PLOD1: variants seen among roughly 807,000 people sequenced by gnomAD.
PLOD1 encodes the protein procollagen-lysine,2-oxoglutarate 5-dioxygenase 1.
PLOD1 carries 70 observed loss-of-function variants against 94.7 expected under a neutral mutation model. The observed-to-expected ratio is 0.74, with a 90% confidence interval of 0.61 to 0.90. The LOEUF (loss-of-function observed/expected upper bound fraction) is 0.90, where lower values mean the gene tolerates loss of function less well. Ranked by LOEUF, PLOD1 falls within the 40% of genes least tolerant of loss-of-function variation. The pLI, the probability that PLOD1 is intolerant of heterozygous loss-of-function variation, is 0.00. For synonymous variants in PLOD1, 417 were observed against 400.2 expected (o/e 1.04, Z -0.50); for missense variants, 905 against 972.7 (o/e 0.93, Z 0.93).
At chr1:11,973,771 G>T (rs1645883191) in intron 18 of PLOD1, among the ~76,000 whole-genome samples, 1 of 151,790 alleles carries the variant, frequency 6.6e-6, no homozygotes, top group South Asian at 2.1e-4. Flanking sequence ...TTTTAGAGAT[G>T]GGGTTTCACT....
In PLOD1 at chr1:11,953,180, C is replaced by T. The variant is rs570638468; in HGVS notation, c.579+445C>T. Among the ~76,000 whole-genome samples, 259 of 152,166 alleles carry T rather than the reference C, an allele frequency of 1.7e-3. 2 individuals carry two copies. The highest frequency in any genetic ancestry group is 6.0e-3 in the African/African-American group (248 of 41,540). ...AAGCGATTCTCGAGCCTCAGCGTCT[C>T]GAGTAGCGGGGACTACAGGCGTGCA... On this transcript the variant is annotated intron_variant, in intron 5 of 18. Coordinates refer to ENST00000196061, the MANE Select transcript of PLOD1 (RefSeq NM_000302.4).
chr1:11,965,667 C>T, intron 14 of PLOD1, 74 bp downstream of exon 14: 1 of 920,388 alleles, frequency 1.1e-6, no homozygotes, highest in South Asian at 1.4e-5. Context: ...GGACTTCCCT[C>T]TCAGAGTCTT....
chr1:11,957,072 C>A lies in PLOD1; in HGVS notation c.741+58C>A. On this transcript the variant is annotated intron_variant, in intron 7 of 18. Transcript: ENST00000196061. The surrounding 1 kb of genome is among the most constrained non-coding windows in gnomAD (Gnocchi z 4.1). ...AGGGGGCCAGAGCCCTAATTTCATTCTCACTGTGACCCCACAGTGTCTCCC... is the reference window on the plus strand; with the variant it reads ...AGGGGGCCAGAGCCCTAATTTCATTATCACTGTGACCCCACAGTGTCTCCC... 1.8e-6 allele frequency: 2 copies of A among 1,123,062 alleles called. No homozygotes were observed. The highest frequency in any genetic ancestry group is 2.7e-6 in the Non-Finnish European group (2 of 731,448). 69.6% of individuals were successfully genotyped at this position (1,123,062 alleles called of 1,614,324 possible).
At chr1:11,951,551 T>A (rs1396429148) in intron 4 of PLOD1, among the ~76,000 whole-genome samples, 2 of 144,412 alleles carry the variant, frequency 1.4e-5, no homozygotes, top group Non-Finnish European at 3.0e-5. Context: ...ATAAATAATT[T>A]TTTTAAATAA....
intron 1 of PLOD1, among the ~76,000 whole-genome samples, chr1:11,935,431 C>T (rs1569656589): frequency 6.6e-6 from 1 of 152,182 alleles, no homozygotes; most frequent in African/African-American, 2.4e-5. Context: ...GTGCTTTCAT[C>T]CATGTCCCCT....
rs376643174 is a variant in PLOD1 at position 11,956,950 on chromosome 1, T to C, written c.677T>C (p.Val226Ala). The change falls in exon 7 of 19, where the codon GTG becomes GCG. Residue 226 changes from valine to alanine, a missense_variant. Coordinates refer to ENST00000196061, the MANE Select transcript of PLOD1 (RefSeq NM_000302.4). ...GTGCTCAAGTTTGAAATGGGCCATG[T>C]GAGAGCGAGGAACCTGGCCTATGAC... ...EVVLKFEMGHVRARNLAYDTL... is the reference protein window; with the variant it reads ...EVVLKFEMGHARARNLAYDTL... The C allele has an allele frequency of 2.5e-6, 4 of 1,613,754 alleles. No individual in the cohort carries two copies. The highest frequency in any genetic ancestry group is 2.2e-5 in the East Asian group (1 of 44,866).
chr1:11,946,505 G>A (rs555725806), intron 1 of PLOD1, among the ~76,000 whole-genome samples: 8 of 152,332 alleles, frequency 5.3e-5, no homozygotes, highest in Admixed American at 5.2e-4. Flanking sequence ...AGAGCCATGT[G>A]ATACTCAGCA....
chr1:11,935,452 T>C (rs1268225670), intron 1 of PLOD1, among the ~76,000 whole-genome samples: 1 of 152,204 alleles, frequency 6.6e-6, no homozygotes, highest in Non-Finnish European at 1.5e-5. Flanking sequence ...GTGGTCTGCT[T>C]AGCCCCTGCC....
rs909966685 is a variant in PLOD1 at position 11,972,208 on chromosome 1, TCCTC to T, written c.1903-663_1903-660del. ...TCCTTTCTTCCCTTCCTTCCTTCCTTCCTCTCTCTCTCTCTCTCTCTTTCTTTCT... is the reference window on the plus strand; with the variant it reads ...TCCTTTCTTCCCTTCCTTCCTTCCTTTCTCTCTCTCTCTCTCTTTCTTTCT... On this transcript the variant is annotated intron_variant, in intron 17 of 18. Coordinates refer to ENST00000196061, the MANE Select transcript of PLOD1 (RefSeq NM_000302.4). This position sits in a 1 kb window ranked among gnomAD's most constrained non-coding sequence, Gnocchi z 4.6. 2 of 98,956 alleles carry T rather than the reference TCCTC, an allele frequency of 2.0e-5. No individual in the cohort carries two copies. The highest frequency in any genetic ancestry group is 5.4e-5 in the African/African-American group (1 of 18,498). 6.1% of individuals were successfully genotyped at this position (98,956 alleles called of 1,614,324 possible).
intron 10 of PLOD1, among the ~76,000 whole-genome samples, chr1:11,962,738 C>T (rs1041269559): frequency 1.3e-5 from 2 of 151,508 alleles, no homozygotes; most frequent in Admixed American, 6.6e-5. Context: ...GTGAGACCCC[C>T]ATCTCTAAAA....
In PLOD1 at chr1:11,957,977, A is replaced by G. The variant is rs1255997098; in HGVS notation, c.843+34A>G. 1.5e-6 allele frequency: 2 copies of G among 1,354,956 alleles called. No individual in the cohort carries two copies. The highest frequency in any genetic ancestry group is 3.4e-5 in the Admixed American group (2 of 59,652). 83.9% of individuals were successfully genotyped at this position (1,354,956 alleles called of 1,614,324 possible). A position where few individuals can be genotyped will look rare whatever the true frequency, so the allele number is the denominator to read the frequency against. On this transcript the variant is annotated intron_variant, in intron 8 of 18. Coordinates refer to ENST00000196061, the MANE Select transcript of PLOD1 (RefSeq NM_000302.4). The surrounding 1 kb of genome is among the most constrained non-coding windows in gnomAD (Gnocchi z 4.1). ...GCGCCCAGGCCTGTGCCTGAGGGAC[A>G]CGGGGGGCTCAGTCCCCTGAGATGG...
At chr1:11,961,978 G>A (rs1342370695) in intron 10 of PLOD1, among the ~76,000 whole-genome samples, 1 of 152,094 alleles carries the variant, frequency 6.6e-6, no homozygotes, top group Non-Finnish European at 1.5e-5. Context: ...TAGTAGAGAC[G>A]AGGTTTCACC....
Position 11,934,766 on chromosome 1 carries a change from C to A in PLOD1, c.-14C>A. ...GCGCCGCCGGGTCGGCCGATCGTCCCCCATACCTCGGCCATGCGGCCCCTG... is the reference window on the plus strand; with the variant it reads ...GCGCCGCCGGGTCGGCCGATCGTCCACCATACCTCGGCCATGCGGCCCCTG... On this transcript the variant is annotated 5_prime_UTR_variant, in exon 1 of 19. Coordinates refer to ENST00000196061, the MANE Select transcript of PLOD1 (RefSeq NM_000302.4). The A allele has an allele frequency of 2.0e-6, 3 of 1,535,050 alleles. No individual in the cohort carries two copies. In the South Asian group the frequency reaches 3.6e-5, roughly 18 times the overall value.
At chr1:11,965,753 G>A (rs1645812838) in intron 14 of PLOD1, among the ~76,000 whole-genome samples, 160 bp downstream of exon 14, 1 of 152,160 alleles carries the variant, frequency 6.6e-6, no homozygotes, top group Non-Finnish European at 1.5e-5. Context: ...GATTTGGGTA[G>A]GGAGAGAAGG....
chr1:11,953,112 G>A (rs2100747035), intron 5 of PLOD1, among the ~76,000 whole-genome samples: 1 of 152,198 alleles, frequency 6.6e-6, no homozygotes, highest in East Asian at 1.9e-4. Context: ...CTAGAGTACA[G>A]TGGTGCGATC....
intron 1 of PLOD1, chr1:11,944,443 ACACACACACACT>A: frequency 1.1e-6 from 1 of 916,470 alleles, no homozygotes; most frequent in Non-Finnish European, 1.6e-6. Flanking sequence ...ACACACACAC[ACACACACACACT>A]CACTCACATG....
intron 6 of PLOD1, among the ~76,000 whole-genome samples, chr1:11,955,123 G>A (rs1365267751): frequency 6.6e-6 from 1 of 152,346 alleles, no homozygotes; most frequent in Non-Finnish European, 1.5e-5. Context: ...AGGAGTTGGG[G>A]GATGCGCACA....
intron 1 of PLOD1, among the ~76,000 whole-genome samples, chr1:11,939,245 A>G (rs939854236): frequency 1.9e-4 from 29 of 152,222 alleles, no homozygotes; most frequent in Non-Finnish European, 3.8e-4. Flanking sequence ...GGGGAGACCT[A>G]AGTGGGCAGC....
chr1:11,962,129 T>A (rs1199811876), intron 10 of PLOD1, among the ~76,000 whole-genome samples: 2 of 151,860 alleles, frequency 1.3e-5, no homozygotes, highest in African/African-American at 4.8e-5. Context: ...AGGATCTTGC[T>A]ATGTTGCCCA....
Sources: gnomAD v4.1 joint callset for allele counts (sites outside exome capture counted in the v4.1 genomes callset) on GRCh38, gnomAD v4.1.1 for gene constraint, Gnocchi (gnomAD v3.1) non-coding constraint, MANE v1.5 for transcripts, NCBI Gene and HGNC (gene_info 2026-07-23, HGNC 2026-07-21) for gene names.